The following MAGI1 variants were observed in gnomAD, a reference collection of about 807,000 sequenced individuals.
MAGI1 encodes the protein membrane-associated guanylate kinase, WW and PDZ domain-containing protein 1.
Under a neutral mutation model 139.9 loss-of-function variants are expected in MAGI1, and 58 were observed. That is an observed-to-expected ratio of 0.41 (90% confidence interval 0.34 to 0.52). The LOEUF (loss-of-function observed/expected upper bound fraction) is 0.52, where lower values mean the gene tolerates loss of function less well. Among genes scored for constraint, MAGI1 ranks in the 20% least tolerant of loss-of-function variants. The probability of loss-of-function intolerance (pLI) is 0.12; values close to 1 mark genes in which losing one functional copy is unlikely to be tolerated. For synonymous variants in MAGI1, 812 were observed against 737.9 expected (o/e 1.10, Z -1.63); for missense variants, 1,874 against 1,901.6 (o/e 0.99, Z 0.27).
At chr3:65,533,169 G>A (rs1189846916) in intron 2 of MAGI1, among the ~76,000 whole-genome samples, 1 of 152,142 alleles carries the variant, frequency 6.6e-6, no homozygotes, top group Non-Finnish European at 1.5e-5. Context: ...CTGGCTTTGT[G>A]TTTCTTCCAA....
intron 3 of MAGI1, among the ~76,000 whole-genome samples, chr3:65,489,740 G>A (rs893497879): frequency 4.6e-5 from 7 of 152,170 alleles, no homozygotes; most frequent in South Asian, 2.1e-4. Flanking sequence ...TGAAGTAAAC[G>A]AGATATACAT....
rs188434537 is a variant in MAGI1, at chr3:66,010,855, G to C, written c.313+27141C>G. ...ATTTCCAGGCAGTGATAAAAGCATA[G>C]AGCAAATATTTTATGGCCGGTCTCA... On this transcript the variant is annotated intron_variant, in intron 1 of 22. Transcript: ENST00000402939. Among the ~76,000 whole-genome samples, 6 of 152,310 alleles carry C rather than the reference G, an allele frequency of 3.9e-5. No homozygotes were observed. The East Asian group carries it at 7.7e-4, about 20-fold the overall frequency.
At chr3:65,830,046 T>C (rs2042441356) in intron 1 of MAGI1, among the ~76,000 whole-genome samples, 1 of 152,210 alleles carries the variant, frequency 6.6e-6, no homozygotes, top group Non-Finnish European at 1.5e-5. Context: ...GAGATCATTA[T>C]TTATGCAGAT....
intron 2 of MAGI1, among the ~76,000 whole-genome samples, chr3:65,550,982 C>T (rs1024237533): frequency 1.3e-5 from 2 of 152,088 alleles, no homozygotes; most frequent in Admixed American, 1.3e-4. Context: ...AAACGGAATT[C>T]CCAGTGATAG....
intron 3 of MAGI1, among the ~76,000 whole-genome samples, chr3:65,488,485 C>T (rs1329344778): frequency 6.8e-6 from 1 of 147,850 alleles, no homozygotes; most frequent in Non-Finnish European, 1.5e-5. Flanking sequence ...TATAGGCATG[C>T]ACCACCAAGC....
At chr3:65,667,485 G>A (rs558480310) in intron 1 of MAGI1, among the ~76,000 whole-genome samples, 1 of 152,320 alleles carries the variant, frequency 6.6e-6, no homozygotes, top group South Asian at 2.1e-4. Context: ...AGGAATGCCT[G>A]CGTGTGTGGG....
At chr3:65,928,964 G>A (rs72906978) in intron 1 of MAGI1, among the ~76,000 whole-genome samples, 4 of 152,038 alleles carry the variant, frequency 2.6e-5, no homozygotes, top group Non-Finnish European at 4.4e-5. Flanking sequence ...GACATAAGAG[G>A]CTATCATTGA....
intron 1 of MAGI1, among the ~76,000 whole-genome samples, chr3:65,752,672 C>A (rs897470604): frequency 2.0e-5 from 3 of 152,206 alleles, no homozygotes; most frequent in African/African-American, 4.8e-5. Context: ...AAACTTTAGT[C>A]TGGTTCCTAT....
chr3:65,732,974 G>A (rs1366893630), intron 1 of MAGI1, among the ~76,000 whole-genome samples: 1 of 152,214 alleles, frequency 6.6e-6, no homozygotes, highest in African/African-American at 2.4e-5. Context: ...AATGGGGTAA[G>A]AATCTATTAA....
intron 5 of MAGI1, among the ~76,000 whole-genome samples, chr3:65,468,549 T>C (rs1950333688): frequency 6.6e-6 from 1 of 151,870 alleles, no homozygotes; most frequent in African/African-American, 2.4e-5. Context: ...CTAATTTTTG[T>C]ATTTTTAAAT....
At chr3:65,688,166 C>T in intron 1 of MAGI1, 2 of 767,234 alleles carry the variant, frequency 2.6e-6, no homozygotes, top group South Asian at 2.7e-5. Context: ...GTATCACTGA[C>T]CCCCGTGAGA....
chr3:65,387,192 C>G lies in MAGI1; in HGVS notation c.2417-3569G>C. 2.5e-6 allele frequency: 4 copies of G among 1,614,124 alleles called. No individual in the cohort carries two copies. In the Admixed American group the frequency reaches 5.0e-5, roughly 20 times the overall value. The stretch of plus-strand genomic sequence containing the variant: ...AATTGATTTCTCTCTCTCTCTCACC[C>G]TTGCTCAATCCCGACGCAGGTGAAG... On this transcript the variant is annotated intron_variant, in intron 14 of 22. Transcript: ENST00000402939.
intron 1 of MAGI1, among the ~76,000 whole-genome samples, chr3:65,974,771 A>T (rs1348008823): frequency 6.6e-6 from 1 of 152,136 alleles, no homozygotes; most frequent in Non-Finnish European, 1.5e-5. Flanking sequence ...AGAGCAAGAG[A>T]TCCAAGAGAG....
intron 1 of MAGI1, among the ~76,000 whole-genome samples, chr3:65,705,386 G>C (rs1318778148): frequency 6.6e-6 from 1 of 152,190 alleles, no homozygotes; most frequent in Non-Finnish European, 1.5e-5. Flanking sequence ...AAGCCCTCAA[G>C]AGGAGCAATA....
At chr3:65,727,950 G>A (rs971999923) in intron 1 of MAGI1, among the ~76,000 whole-genome samples, 2 of 152,074 alleles carry the variant, frequency 1.3e-5, no homozygotes, top group Non-Finnish European at 2.9e-5. Flanking sequence ...AATTTGGGTG[G>A]GAGTACTATT....
chr3:65,861,719 G>C (rs1026326384), intron 1 of MAGI1, among the ~76,000 whole-genome samples: 2 of 151,680 alleles, frequency 1.3e-5, no homozygotes, highest in Non-Finnish European at 2.9e-5. Flanking sequence ...GGGGCGCCGT[G>C]AAAAAAAAGA....
rs951128970 is a variant in MAGI1 at position 65,559,375 on chromosome 3, C to G, written c.430+62597G>C. Among the ~76,000 whole-genome samples the G allele has an allele frequency of 3.9e-5, 6 of 152,316 alleles. No homozygotes were observed. The East Asian group carries it at 9.6e-4, about 24-fold the overall frequency. ...ACTCTCAAGCTACTTTTAAATCAAT[C>G]TATCTGAAAATTTCAGGGATACTTC... On this transcript the variant is annotated intron_variant, in intron 2 of 22. Coordinates refer to ENST00000402939, the MANE Select transcript of MAGI1 (RefSeq NM_001033057.2).
chr3:65,590,690 T>C (rs938900124), intron 2 of MAGI1, among the ~76,000 whole-genome samples: 3 of 152,138 alleles, frequency 2.0e-5, no homozygotes, highest in African/African-American at 7.2e-5. Flanking sequence ...CTCAAGCAAT[T>C]AGTCTGTCCT....
At chr3:65,477,789 GGCTCACTGCAATCTTT>G (rs1553650571) in intron 4 of MAGI1, among the ~76,000 whole-genome samples, 1 of 149,880 alleles carries the variant, frequency 6.7e-6, no homozygotes, top group Non-Finnish European at 1.5e-5. Flanking sequence ...GTGCAATCTC[GGCTCACTGCAATCTTT>G]GCCCTTCAGG....
Sources: gnomAD v4.1 joint callset for allele counts (sites outside exome capture counted in the v4.1 genomes callset) on GRCh38, gnomAD v4.1.1 for gene constraint, MANE v1.5 for transcripts, NCBI Gene and HGNC (gene_info 2026-07-23, HGNC 2026-07-21) for gene names.